Variants in ATRNL1 observed in about 807,000 individuals in gnomAD.
ATRNL1 encodes attractin-like protein 1.
In ATRNL1, 95 loss-of-function variants were observed where a neutral mutation model predicts 182.7. The ratio of observed to expected loss-of-function variants is 0.52; its 90% CI spans 0.44 to 0.62. ATRNL1 has a LOEUF of 0.62. Ranked by LOEUF, ATRNL1 falls within the 20% of genes least tolerant of loss-of-function variation. The pLI, the probability that ATRNL1 is intolerant of heterozygous loss-of-function variation, is 0.00. For synonymous variants in ATRNL1, 576 were observed against 568.3 expected (o/e 1.01, Z -0.19); for missense variants, 1,471 against 1,679.5 (o/e 0.88, Z 2.17).
intron 5 of ATRNL1, among the ~76,000 whole-genome samples, chr10:115,153,435 C>G (rs1423958482): frequency 6.6e-6 from 1 of 152,082 alleles, no homozygotes; most frequent in Non-Finnish European, 1.5e-5. Context: ...CTGGTTTAGT[C>G]TTGGGAGGGT....
chr10:115,841,081 G>T (rs782384184), intron 27 of ATRNL1, among the ~76,000 whole-genome samples: 23 of 152,016 alleles, frequency 1.5e-4, no homozygotes, highest in South Asian at 4.1e-4. Context: ...TTAAAGTTTT[G>T]AAAAATGCTA....
At chr10:115,239,731 G>A (rs189276760) in intron 9 of ATRNL1, among the ~76,000 whole-genome samples, 1 of 152,256 alleles carries the variant, frequency 6.6e-6, no homozygotes, top group Non-Finnish European at 1.5e-5. Context: ...GTCTGCCTTA[G>A]GAGTGAGGTG....
chr10:115,219,705 CA>C (rs1263304164), intron 9 of ATRNL1, among the ~76,000 whole-genome samples: 2 of 152,118 alleles, frequency 1.3e-5, no homozygotes, highest in African/African-American at 2.4e-5. Context: ...GAGTTTGAGA[CA>C]AGCCTGGCTA....
At chr10:115,645,838 C>G (rs185038120) in intron 26 of ATRNL1, among the ~76,000 whole-genome samples, 3 of 152,052 alleles carry the variant, frequency 2.0e-5, no homozygotes, top group Admixed American at 2.0e-4. Context: ...CCACCCCATC[C>G]CTATTGTGTT....
At chr10:115,282,149 ATATT>A (rs1346691052) in intron 14 of ATRNL1, among the ~76,000 whole-genome samples, 1 of 146,320 alleles carries the variant, frequency 6.8e-6, no homozygotes, top group Admixed American at 6.9e-5. Flanking sequence ...ATAAATTTAT[ATATT>A]TATTATATTA....
chr10:115,611,886 G>T (rs1857176288), intron 26 of ATRNL1, among the ~76,000 whole-genome samples: 1 of 152,020 alleles, frequency 6.6e-6, no homozygotes, highest in Non-Finnish European at 1.5e-5. Context: ...TAGCATCAAA[G>T]AACTAAATTG....
intron 25 of ATRNL1, among the ~76,000 whole-genome samples, chr10:115,537,099 G>A (rs1487255247): frequency 6.6e-6 from 1 of 152,142 alleles, no homozygotes; most frequent in Non-Finnish European, 1.5e-5. Flanking sequence ...TTTTCTCCAT[G>A]GTTTTTTTGT....
At chr10:115,348,817 T>TA (rs1234880980) in intron 19 of ATRNL1, among the ~76,000 whole-genome samples, 2 of 152,040 alleles carry the variant, frequency 1.3e-5, no homozygotes, top group Non-Finnish European at 2.9e-5. Flanking sequence ...CTTCAATATT[T>TA]AAAAAAATAA....
chr10:115,102,417 T>C (rs1843810502), intron 1 of ATRNL1, among the ~76,000 whole-genome samples: 2 of 151,872 alleles, frequency 1.3e-5, no homozygotes, highest in African/African-American at 4.9e-5. Context: ...ATGTACTTTA[T>C]TAATGTATGT....
chr10:115,660,873 G>T (rs1370146019), intron 26 of ATRNL1, among the ~76,000 whole-genome samples: 1 of 152,100 alleles, frequency 6.6e-6, no homozygotes, highest in Non-Finnish European at 1.5e-5. Flanking sequence ...ATATGAATAT[G>T]TAGGATTCTA....
chr10:115,377,626 G>T (rs1370819689), intron 19 of ATRNL1, among the ~76,000 whole-genome samples: 1 of 152,040 alleles, frequency 6.6e-6, no homozygotes, highest in Non-Finnish European at 1.5e-5. Context: ...TAACTATATA[G>T]CCTTGCACCA....
At chr10:115,891,648 T>C (rs1246866604) in intron 28 of ATRNL1, among the ~76,000 whole-genome samples, 1 of 152,134 alleles carries the variant, frequency 6.6e-6, no homozygotes, top group East Asian at 1.9e-4. Context: ...ATGACTCTTC[T>C]CCAAATACTA....
At chr10:115,355,642 T>TA (rs1169330355) in intron 19 of ATRNL1, among the ~76,000 whole-genome samples, 1 of 151,950 alleles carries the variant, frequency 6.6e-6, no homozygotes, top group Non-Finnish European at 1.5e-5. Flanking sequence ...ATACAGACAT[T>TA]AAAAAAAATT....
At chr10:115,631,131 T>C (rs2133830480) in intron 26 of ATRNL1, among the ~76,000 whole-genome samples, 1 of 152,128 alleles carries the variant, frequency 6.6e-6, no homozygotes, top group South Asian at 2.1e-4. Flanking sequence ...CTAGAATGAC[T>C]ATATTCTAGA....
chr10:115,547,786 GAA>G (rs1326482628), intron 25 of ATRNL1, among the ~76,000 whole-genome samples: 4 of 152,158 alleles, frequency 2.6e-5, no homozygotes, highest in Non-Finnish European at 1.5e-5. Flanking sequence ...TGATAATAGA[GAA>G]AGCACCAGTT....
chr10:115,666,531 C>G (rs1346134538), intron 26 of ATRNL1, among the ~76,000 whole-genome samples: 2 of 152,090 alleles, frequency 1.3e-5, no homozygotes, highest in African/African-American at 4.8e-5. Context: ...TTAGGGGTAA[C>G]TGGCAAAACA....
At chr10:115,801,404 C>A (rs570170050) in intron 27 of ATRNL1, among the ~76,000 whole-genome samples, 2 of 152,268 alleles carry the variant, frequency 1.3e-5, no homozygotes, top group Admixed American at 1.3e-4. Flanking sequence ...GAAGAGAAAA[C>A]TAAAACTACT....
At chr10:115,310,902 A>G (rs562923610) in intron 17 of ATRNL1, among the ~76,000 whole-genome samples, 1 of 152,208 alleles carries the variant, frequency 6.6e-6, no homozygotes, top group East Asian at 1.9e-4. Flanking sequence ...GAGATGTGAC[A>G]TTAGGTTGTC....
intron 12 of ATRNL1, among the ~76,000 whole-genome samples, chr10:115,267,256 A>G (rs1554911162): frequency 6.6e-6 from 1 of 150,776 alleles, no homozygotes; most frequent in Non-Finnish European, 1.5e-5. Flanking sequence ...ATTGTCATAT[A>G]TATGAATTAT....
Sources: gnomAD v4.1 joint callset for allele counts (sites outside exome capture counted in the v4.1 genomes callset) on GRCh38, gnomAD v4.1.1 for gene constraint, MANE v1.5 for transcripts, NCBI Gene and HGNC (gene_info 2026-07-23, HGNC 2026-07-21) for gene names.